The following DENND5B variants were observed in gnomAD, a reference collection of about 807,000 sequenced individuals.
DENND5B encodes the protein DENN domain containing 5B.
Under a neutral mutation model 140.6 loss-of-function variants are expected in DENND5B, and 34 were observed. The observed-to-expected ratio is 0.24, with a 90% CI of 0.18 to 0.32. The LOEUF is 0.32. Ranked by LOEUF, DENND5B falls within the 10% of genes least tolerant of loss-of-function variation. The pLI, the probability that DENND5B is intolerant of heterozygous loss-of-function variation, is 1.00. For missense variants in DENND5B, 1,142 were observed against 1,560.2 expected (o/e 0.73, Z 4.52); for synonymous variants, 551 against 562.1 (o/e 0.98, Z 0.28).
intron 1 of DENND5B, among the ~76,000 whole-genome samples, chr12:31,576,008 G>C (rs1950001027): frequency 6.6e-6 from 1 of 151,678 alleles, no homozygotes; most frequent in South Asian, 2.1e-4. Flanking sequence ...AGGCATGGTG[G>C]CACATGCCTG....
chr12:31,461,480 A>G (rs534821397), intron 3 of DENND5B, among the ~76,000 whole-genome samples: 28 of 152,204 alleles, frequency 1.8e-4, no homozygotes, highest in Non-Finnish European at 3.8e-4. Context: ...TTATACTTAC[A>G]TATGTCCACA....
intron 8 of DENND5B, among the ~76,000 whole-genome samples, chr12:31,429,857 C>A (rs1042354859): frequency 6.6e-6 from 1 of 152,020 alleles, no homozygotes; most frequent in Admixed American, 6.6e-5. Context: ...TAGGCGCGTG[C>A]TACAACACCT....
At chr12:31,547,849 C>T (rs1948915340) in intron 1 of DENND5B, among the ~76,000 whole-genome samples, 1 of 152,046 alleles carries the variant, frequency 6.6e-6, no homozygotes, top group African/African-American at 2.4e-5. Context: ...GGATTACAGG[C>T]ACCTGCCACC....
intron 7 of DENND5B, among the ~76,000 whole-genome samples, chr12:31,436,687 A>C (rs1943772066): frequency 6.6e-6 from 1 of 151,736 alleles, no homozygotes; most frequent in African/African-American, 2.4e-5. Flanking sequence ...GGCATGTGCC[A>C]ACATGCCCAG....
At chr12:31,389,567 T>G (rs1941020333) in intron 19 of DENND5B, 69 bp from the exon 20 acceptor site, 1 of 1,417,970 alleles carries the variant, frequency 7.1e-7, no homozygotes, top group South Asian at 1.4e-5. Context: ...ATTCATCACT[T>G]AATTTATTAT....
chr12:31,532,333 A>T (rs983557422), intron 1 of DENND5B, among the ~76,000 whole-genome samples: 1 of 152,200 alleles, frequency 6.6e-6, no homozygotes, highest in African/African-American at 2.4e-5. Context: ...TCTGGAGGGC[A>T]AAGATACAGG....
At chr12:31,511,222 G>C (rs1947397171) in intron 1 of DENND5B, among the ~76,000 whole-genome samples, 1 of 152,130 alleles carries the variant, frequency 6.6e-6, no homozygotes, top group African/African-American at 2.4e-5. Flanking sequence ...CTGGGTGTCA[G>C]AGGGAGACCC....
At chr12:31,474,777 G>A (rs1845816633) in intron 3 of DENND5B, among the ~76,000 whole-genome samples, 1 of 152,030 alleles carries the variant, frequency 6.6e-6, no homozygotes, top group Non-Finnish European at 1.5e-5. Context: ...ATCAACATAA[G>A]GACACCTATT....
chr12:31,460,135 A>G (rs1944948763), intron 4 of DENND5B, 59 bp downstream of exon 4: 35 of 1,509,050 alleles, frequency 2.3e-5, no homozygotes, highest in Non-Finnish European at 3.0e-5. Flanking sequence ...AATCTAACGA[A>G]AGTCGCCTTG....
intron 4 of DENND5B, 37 bp from the exon 5 acceptor site, chr12:31,452,513 A>C: frequency 1.3e-6 from 2 of 1,545,482 alleles, no homozygotes; most frequent in Non-Finnish European, 1.7e-6. Context: ...GTTTAAAATA[A>C]AGGAATTGTA....
chr12:31,542,025 C>G (rs1948694424), intron 1 of DENND5B, among the ~76,000 whole-genome samples: 1 of 152,172 alleles, frequency 6.6e-6, no homozygotes, highest in Non-Finnish European at 1.5e-5. Flanking sequence ...CATTGGCTCA[C>G]GCCTGTAATC....
chr12:31,403,256 TCA>T (rs1941905849), intron 14 of DENND5B, among the ~76,000 whole-genome samples: 1 of 152,282 alleles, frequency 6.6e-6, no homozygotes. Context: ...TTAAGGTGAC[TCA>T]CACGCAAGAG....
chr12:31,515,184 A>C (rs561189909), intron 1 of DENND5B, among the ~76,000 whole-genome samples: 3 of 152,298 alleles, frequency 2.0e-5, no homozygotes, highest in Non-Finnish European at 4.4e-5. Flanking sequence ...GCATGTCTGC[A>C]GTCCGAGCTA....
At chr12:31,487,280 T>C (rs4424751) in intron 2 of DENND5B, among the ~76,000 whole-genome samples, 1,726 of 152,330 alleles carry the variant, frequency 0.011, 19 homozygotes, top group East Asian at 0.031. Context: ...AAGCCACTTA[T>C]TCCTAGTCTT....
intron 8 of DENND5B, chr12:31,426,847 A>G (rs1035842997): frequency 5.5e-6 from 1 of 180,262 alleles, no homozygotes; most frequent in African/African-American, 2.4e-5. Context: ...ATACAGTAAG[A>G]CTTAACATAC....
intron 1 of DENND5B, chr12:31,589,862 G>GC (rs372434216): frequency 6.6e-6 from 1 of 152,272 alleles, no homozygotes; most frequent in African/African-American, 2.4e-5. Flanking sequence ...CCGCTGCCCT[G>GC]CCCCCGCCCA....
intron 1 of DENND5B, among the ~76,000 whole-genome samples, chr12:31,526,585 A>T (rs552700843): frequency 6.6e-6 from 1 of 152,250 alleles, no homozygotes; most frequent in Non-Finnish European, 1.5e-5. Flanking sequence ...ATCCTTTAAG[A>T]AGTAGTCTCT....
chr12:31,462,253 G>A (rs189001430), intron 3 of DENND5B, among the ~76,000 whole-genome samples: 2 of 151,664 alleles, frequency 1.3e-5, no homozygotes, highest in Admixed American at 6.6e-5. Flanking sequence ...CAGGTGAGGC[G>A]GGTAGTAGAG....
At chr12:31,447,215 G>A (rs1215701373) in intron 6 of DENND5B, among the ~76,000 whole-genome samples, 1 of 152,098 alleles carries the variant, frequency 6.6e-6, no homozygotes, top group African/African-American at 2.4e-5. Flanking sequence ...AGGTTGCAGT[G>A]AGTCAAGATT....
Sources: allele counts gnomAD v4.1 joint callset (sites outside exome capture counted in the v4.1 genomes callset), GRCh38; gene constraint gnomAD v4.1.1; transcripts MANE v1.5; gene names NCBI Gene and HGNC (gene_info 2026-07-23, HGNC 2026-07-21).